STARD13: variants seen among roughly 807,000 people sequenced by gnomAD.
STARD13 encodes StAR related lipid transfer domain containing 13.
STARD13 carries 62 observed loss-of-function variants against 106.4 expected under a neutral mutation model. The observed-to-expected ratio is 0.58, with a 90% CI of 0.48 to 0.72. STARD13 has a LOEUF of 0.72. Among genes scored for constraint, STARD13 ranks in the 30% least tolerant of loss-of-function variants. STARD13 has a pLI of 0.00. For synonymous variants in STARD13, 565 were observed against 553.0 expected, an observed-to-expected ratio of 1.02 and a Z score of -0.31; for missense variants, 1,387 against 1,424.0, an observed-to-expected ratio of 0.97 and a Z score of 0.42.
chr13:33,174,411 T>A (rs1884303359), intron 1 of STARD13, among the ~76,000 whole-genome samples: 1 of 152,118 alleles, frequency 6.6e-6, no homozygotes, highest in Middle Eastern at 3.2e-3. Context: ...ACCTCACTAA[T>A]GTTATGCTTG....
the STARD13 span, among the ~76,000 whole-genome samples, chr13:33,601,329 T>C: frequency 6.6e-6 from 1 of 151,984 alleles, no homozygotes; most frequent in African/African-American, 2.4e-5. Context: ...TTTCAATGAC[T>C]CTTTATTGGC....
At chr13:33,313,389 G>C (rs903685072) in intron 1 of STARD13, among the ~76,000 whole-genome samples, 1 of 152,170 alleles carries the variant, frequency 6.6e-6, no homozygotes, top group African/African-American at 2.4e-5. Flanking sequence ...CAGCCACCCT[G>C]ATTTGGCATC....
intron 1 of STARD13, among the ~76,000 whole-genome samples, chr13:33,239,958 A>G (rs1309065266): frequency 5.9e-5 from 9 of 152,064 alleles, no homozygotes; most frequent in Non-Finnish European, 1.3e-4. Flanking sequence ...TATCAAATAA[A>G]TTTTTGCAAA....
the STARD13 span, among the ~76,000 whole-genome samples, chr13:33,591,160 G>A: frequency 6.6e-6 from 1 of 152,238 alleles, no homozygotes; most frequent in African/African-American, 2.4e-5. Context: ...GAGGGCAGAT[G>A]CTCAGTCAAA....
At chr13:33,332,874 G>A (rs80337359) in intron 1 of STARD13, among the ~76,000 whole-genome samples, 17,281 of 152,174 alleles carry the variant, frequency 0.11, 1,301 homozygotes, top group South Asian at 0.16. Context: ...TCAGTGCTGT[G>A]AGTGTTTAGC....
At chr13:33,453,879 G>A in the STARD13 span, among the ~76,000 whole-genome samples, 1 of 152,198 alleles carries the variant, frequency 6.6e-6, no homozygotes, top group Non-Finnish European at 1.5e-5. Context: ...GCACAAAGGT[G>A]CTGATGAGTA....
At chr13:33,497,540 ACTC>A in the STARD13 span, among the ~76,000 whole-genome samples, 4 of 152,130 alleles carry the variant, frequency 2.6e-5, no homozygotes, top group African/African-American at 9.6e-5. Context: ...TCACGCAGTC[ACTC>A]CTCCTAGTTA....
chr13:33,645,303 G>A, the STARD13 span, among the ~76,000 whole-genome samples: 3 of 152,128 alleles, frequency 2.0e-5, no homozygotes, highest in South Asian at 6.2e-4. Context: ...GGGAGAGAAA[G>A]GCCTCACTAA....
the STARD13 span, among the ~76,000 whole-genome samples, chr13:33,522,900 T>C: frequency 6.6e-6 from 1 of 152,180 alleles, no homozygotes; most frequent in African/African-American, 2.4e-5. Flanking sequence ...ATTAAGGTAG[T>C]AATGCCTTGC....
chr13:33,182,841 C>T (rs912772480), intron 1 of STARD13, among the ~76,000 whole-genome samples: 6 of 152,226 alleles, frequency 3.9e-5, no homozygotes, highest in Non-Finnish European at 7.3e-5. Context: ...AACTCCTTCA[C>T]GTCTCCCTGT....
At chr13:33,604,478 CT>C in the STARD13 span, among the ~76,000 whole-genome samples, 1 of 152,026 alleles carries the variant, frequency 6.6e-6, no homozygotes, top group Non-Finnish European at 1.5e-5. Context: ...ATACTGGAGG[CT>C]AGAAAAGAAT....
At chr13:33,509,660 C>T in the STARD13 span, among the ~76,000 whole-genome samples, 7 of 152,270 alleles carry the variant, frequency 4.6e-5, no homozygotes, top group East Asian at 1.2e-3. Context: ...GCCATGACTC[C>T]ACAAAAGCTC....
At chr13:33,292,052 T>TA (rs1315809341) in intron 1 of STARD13, among the ~76,000 whole-genome samples, 1 of 151,842 alleles carries the variant, frequency 6.6e-6, no homozygotes, top group East Asian at 1.9e-4. Context: ...ATTATAAAAG[T>TA]AAAAAATAAA....
intron 3 of STARD13, among the ~76,000 whole-genome samples, chr13:33,163,372 A>G (rs1882863068): frequency 6.6e-6 from 1 of 151,866 alleles, no homozygotes; most frequent in Admixed American, 6.6e-5. Flanking sequence ...AGATCACTTG[A>G]GGCCAGGAGG....
chr13:33,132,434 C>T (rs763570882), intron 4 of STARD13, among the ~76,000 whole-genome samples: 5 of 152,158 alleles, frequency 3.3e-5, no homozygotes, highest in African/African-American at 7.2e-5. Context: ...TCTTGTCTGC[C>T]GCCATGTAAG....
At chr13:33,365,265 C>A in the STARD13 span, among the ~76,000 whole-genome samples, 6 of 152,074 alleles carry the variant, frequency 3.9e-5, no homozygotes, top group Non-Finnish European at 8.8e-5. Flanking sequence ...AGCTTTGAGG[C>A]TCCTAATAGA....
chr13:33,440,265 C>T, the STARD13 span, among the ~76,000 whole-genome samples: 3,732 of 137,838 alleles, frequency 0.027, 150 homozygotes, highest in African/African-American at 0.092. Flanking sequence ...GGCGACAGAA[C>T]GAGGCAAAAA....
chr13:33,389,178 G>C, the STARD13 span, among the ~76,000 whole-genome samples: 2 of 151,788 alleles, frequency 1.3e-5, no homozygotes, highest in African/African-American at 4.9e-5. Context: ...GTCTGGTCTC[G>C]ACCTCCTGAC....
the STARD13 span, among the ~76,000 whole-genome samples, chr13:33,454,967 G>T: frequency 2.0e-5 from 3 of 152,206 alleles, no homozygotes; most frequent in African/African-American, 7.2e-5. Context: ...CTCTGGGAAG[G>T]CAGAGAATAA....
Sources: gnomAD v4.1 joint callset for allele counts (sites outside exome capture counted in the v4.1 genomes callset) on GRCh38, gnomAD v4.1.1 for gene constraint, MANE v1.5 for transcripts, NCBI Gene and HGNC (gene_info 2026-07-23, HGNC 2026-07-21) for gene names.